SCUBE2: variants seen among roughly 807,000 people sequenced by gnomAD.
SCUBE2 encodes the protein signal peptide, CUB domain and EGF like domain containing 2.
In SCUBE2, 114 loss-of-function variants were observed where a neutral mutation model predicts 125.9. The ratio of observed to expected loss-of-function variants is 0.91; its 90% CI spans 0.78 to 1.06. SCUBE2 has a LOEUF of 1.06. Ranked by LOEUF, SCUBE2 falls within the 50% of genes least tolerant of loss-of-function variation. The pLI is 0.00. For synonymous variants in SCUBE2, 459 were observed against 492.9 expected, an observed-to-expected ratio of 0.93 and a Z score of 0.91; for missense variants, 1,255 against 1,301.8, an observed-to-expected ratio of 0.96 and a Z score of 0.55.
chr11:9,079,635 C>A, intron 2 of SCUBE2, 126 bp from the exon 3 acceptor site: 1 of 944,122 alleles, frequency 1.1e-6, no homozygotes, highest in Non-Finnish European at 1.6e-6. Context: ...AATAGGAAAA[C>A]AAATACGCAC....
intron 14 of SCUBE2, chr11:9,050,196 C>T (rs969389477): frequency 6.0e-6 from 1 of 167,364 alleles, no homozygotes; most frequent in African/African-American, 2.4e-5. Flanking sequence ...GATATTAGAT[C>T]TTTGTTCATC....
At chr11:9,026,104 C>T (rs1001503485) in intron 20 of SCUBE2, 9 of 376,002 alleles carry the variant, frequency 2.4e-5, no homozygotes, top group East Asian at 1.9e-4. Context: ...CAGGCTGTAC[C>T]GTTCACTGTA....
At position 9,071,482 on chromosome 11, in the gene SCUBE2, C is replaced by G. The variant is rs115533062; in HGVS notation, c.518-1987G>C. On this transcript the variant is annotated intron_variant, in intron 4 of 22. Coordinates refer to ENST00000649792, the MANE Select transcript of SCUBE2 (RefSeq NM_001367977.2). ...AGCTTTTCAAGAAGTGACCTCAAAG[C>G]CTTTGTAGCACTCTGACTTAATGCA... 3.5e-3 allele frequency among the ~76,000 whole-genome samples: 530 copies of G among 152,288 alleles called. 3 individuals carry two copies. Among genetic ancestry groups the G allele is most frequent in the African/African-American group, 0.012 (508 of 41,558 alleles).
At position 9,029,866 on chromosome 11, in the gene SCUBE2, C is replaced by G; in HGVS notation, c.2503+18G>C. On this transcript the variant is annotated intron_variant, in intron 19 of 22. Transcript: ENST00000649792. ...TCTTCTTAGCCAGAACTATGAAAAG[C>G]CTTAGAGAGGGACCTACTTTTACAC... The G allele has an allele frequency of 5.6e-6, 9 of 1,614,046 alleles. No individual in the cohort carries two copies. The highest frequency in any genetic ancestry group is 7.6e-6 in the Non-Finnish European group (9 of 1,179,940).
intron 17 of SCUBE2, among the ~76,000 whole-genome samples, chr11:9,032,419 C>T (rs901709282): frequency 6.6e-6 from 1 of 152,156 alleles, no homozygotes; most frequent in Non-Finnish European, 1.5e-5. Context: ...AGCCACCATG[C>T]CTGGCCTAAA....
At chr11:9,027,100 T>A in intron 20 of SCUBE2, 1 of 484,912 alleles carries the variant, frequency 2.1e-6, no homozygotes, top group East Asian at 3.8e-5. Flanking sequence ...CTCTGGGTCC[T>A]TGTGGAAGAG....
chr11:9,077,933 G>A (rs1290207816), intron 3 of SCUBE2, among the ~76,000 whole-genome samples: 1 of 152,202 alleles, frequency 6.6e-6, no homozygotes, highest in Non-Finnish European at 1.5e-5. Context: ...CAGGTTCCTA[G>A]CCCCTGGATG....
chr11:9,085,838 T>C (rs139205742), intron 2 of SCUBE2, among the ~76,000 whole-genome samples: 132,874 of 150,526 alleles, frequency 0.88, 60,924 homozygotes, highest in East Asian at 1. Flanking sequence ...TTTTTTTTTT[T>C]TTTTTTTTTT....
intron 13 of SCUBE2, among the ~76,000 whole-genome samples, chr11:9,052,456 G>C (rs1329347178): frequency 6.6e-6 from 1 of 152,194 alleles, no homozygotes; most frequent in Non-Finnish European, 1.5e-5. Flanking sequence ...AGGTGCTCTG[G>C]AGTACAGCCT....
intron 2 of SCUBE2, 89 bp from the exon 3 acceptor site, chr11:9,079,598 G>A (rs1861472493): frequency 2.2e-6 from 3 of 1,338,138 alleles, no homozygotes; most frequent in Non-Finnish European, 3.1e-6. Flanking sequence ...CCACTTCTAG[G>A]AATCTACCTG....
chr11:9,074,607 C>G lies in SCUBE2; in HGVS notation c.391G>C (p.Glu131Gln). 1.2e-6 allele frequency: 2 copies of G among 1,614,174 alleles called. No individual in the cohort carries two copies. The highest frequency in any genetic ancestry group is 1.1e-5 in the South Asian group (1 of 91,078). Residue 131 changes from glutamate to glutamine, a missense_variant, in exon 4 of 23, where the codon GAG becomes CAG. By Grantham distance (29) the Glu-to-Gln change is conservative (BLOSUM62 2). Around this residue, in one of 3 missense-constraint regions of SCUBE2, gnomAD observed 362 missense variants for 323.0 expected, o/e 1.12. Coordinates refer to ENST00000649792, the MANE Select transcript of SCUBE2 (RefSeq NM_001367977.2). ...HDGHNCLDVD[E>Q]CLENNGGCQH... is the part of the protein sequence containing the mutation. ...CAGCCGCCATTGTTCTCCAGGCACT[C>G]GTCCACATCTGGAAGGAGAGAGGGA...
At chr11:9,051,067 G>C (rs1291273806) in intron 13 of SCUBE2, among the ~76,000 whole-genome samples, 1 of 152,184 alleles carries the variant, frequency 6.6e-6, no homozygotes, top group Non-Finnish European at 1.5e-5. Flanking sequence ...GGAGGCTGAG[G>C]CAGGAGAATT....
intron 3 of SCUBE2, among the ~76,000 whole-genome samples, chr11:9,075,205 TAAAAA>T (rs5789594): frequency 3.2e-5 from 4 of 123,916 alleles, no homozygotes; most frequent in East Asian, 2.3e-4. Flanking sequence ...AGACGCCATC[TAAAAA>T]AAAAAAAAAA....
At chr11:9,046,001 C>CTTTTTTT (rs58572754) in intron 16 of SCUBE2, among the ~76,000 whole-genome samples, 22 of 92,040 alleles carry the variant, frequency 2.4e-4, no homozygotes, top group South Asian at 4.9e-4. Context: ...GTCTTTCTTT[C>CTTTTTTT]TTTTTTTTTT....
chr11:9,053,054 T>C, intron 12 of SCUBE2, 45 bp downstream of exon 12: 1 of 1,524,530 alleles, frequency 6.6e-7, no homozygotes, highest in Non-Finnish European at 9.1e-7. Flanking sequence ...CAGAGAGGCC[T>C]GGCCCCAGTG....
At chr11:9,036,934 A>C (rs1270845626) in intron 16 of SCUBE2, among the ~76,000 whole-genome samples, 1 of 152,186 alleles carries the variant, frequency 6.6e-6, no homozygotes, top group Non-Finnish European at 1.5e-5. Flanking sequence ...CTCACAATGA[A>C]AGGCCTGCTT....
At chr11:9,027,191 G>T (rs1855842395) in intron 20 of SCUBE2, 173 bp downstream of exon 20, 1 of 643,138 alleles carries the variant, frequency 1.6e-6, no homozygotes, top group South Asian at 1.9e-5. Flanking sequence ...AGACGCTTCA[G>T]TGTGTGGCTT....
In SCUBE2 at chr11:9,091,087, A is replaced by G. The variant is rs1264314999; in HGVS notation, c.133+309T>C. On this transcript the variant is annotated intron_variant, in intron 1 of 22. Coordinates refer to ENST00000649792, the MANE Select transcript of SCUBE2 (RefSeq NM_001367977.2). This position sits in a 1 kb window ranked among gnomAD's most constrained non-coding sequence, Gnocchi z 8.5. The stretch of plus-strand genomic sequence containing the variant: ...CGCTGAGGCGCGGGACCCCAAGGCC[A>G]GGGTCCGCACCCTCCTGCCTGCTCG... Among the ~76,000 whole-genome samples, 3 of 152,220 alleles carry G rather than the reference A, an allele frequency of 2.0e-5. No homozygotes were observed. The highest frequency in any genetic ancestry group is 1.9e-4 in the East Asian group (1 of 5,156).
intron 2 of SCUBE2, among the ~76,000 whole-genome samples, chr11:9,081,787 G>C (rs1007464997): frequency 6.6e-6 from 1 of 152,200 alleles, no homozygotes; most frequent in East Asian, 1.9e-4. Context: ...ATAATGCTAC[G>C]AGCATGGGCA....
Sources: allele counts gnomAD v4.1 joint callset (sites outside exome capture counted in the v4.1 genomes callset), GRCh38; gene constraint gnomAD v4.1.1; regional missense constraint gnomAD v4.1.1; non-coding constraint Gnocchi (gnomAD v3.1); transcripts MANE v1.5; gene names NCBI Gene and HGNC (gene_info 2026-07-23, HGNC 2026-07-21).